TRIO: variants seen among roughly 807,000 people sequenced by gnomAD.
TRIO encodes trio Rho guanine nucleotide exchange factor.
TRIO carries 58 observed loss-of-function variants against 351.9 expected under a neutral mutation model. The observed-to-expected ratio is 0.16, with a 90% confidence interval of 0.13 to 0.21. The LOEUF (loss-of-function observed/expected upper bound fraction) is 0.21. TRIO is among the 10% of genes least tolerant of loss of function. The probability of loss-of-function intolerance (pLI) is 1.00; values close to 1 mark genes in which losing one functional copy is unlikely to be tolerated. For missense variants in TRIO, 3,201 were observed against 4,027.8 expected, an observed-to-expected ratio of 0.79 and a Z score of 5.56; for synonymous variants, 1,758 against 1,595.7, an observed-to-expected ratio of 1.10 and a Z score of -2.42.
intron 27 of TRIO, among the ~76,000 whole-genome samples, chr5:14,393,157 C>T (rs1457508034): frequency 6.6e-6 from 1 of 150,616 alleles, no homozygotes. Context: ...GAAAACCAAA[C>T]ACCACATGTT....
intron 1 of TRIO, among the ~76,000 whole-genome samples, chr5:14,220,934 T>C (rs1388176808): frequency 6.6e-6 from 1 of 152,232 alleles, no homozygotes; most frequent in African/African-American, 2.4e-5. Context: ...CAGCCTTCTA[T>C]TGGAAGAAGA....
At chr5:14,391,516 T>C (rs1220756515) in intron 27 of TRIO, among the ~76,000 whole-genome samples, 1 of 152,242 alleles carries the variant, frequency 6.6e-6, no homozygotes, top group Non-Finnish European at 1.5e-5. Flanking sequence ...TGTGTTCTCA[T>C]TGGAGTAAAC....
intron 7 of TRIO, among the ~76,000 whole-genome samples, chr5:14,303,208 G>A (rs1453542745): frequency 4.0e-3 from 409 of 101,122 alleles, no homozygotes; most frequent in Middle Eastern, 0.028. Context: ...CTGGAGATGG[G>A]GGGTGTCAGT....
intron 1 of TRIO, among the ~76,000 whole-genome samples, chr5:14,177,215 CG>C (rs1789460262): frequency 6.6e-6 from 1 of 152,102 alleles, no homozygotes; most frequent in African/African-American, 2.4e-5. Context: ...ATGTTATATA[CG>C]TGAGAAAACT....
intron 2 of TRIO, among the ~76,000 whole-genome samples, chr5:14,274,076 A>G (rs1158734052): frequency 6.6e-6 from 1 of 152,204 alleles, no homozygotes; most frequent in Non-Finnish European, 1.5e-5. Flanking sequence ...CCGCTGCAAT[A>G]CCAATGACAG....
intron 34 of TRIO, among the ~76,000 whole-genome samples, chr5:14,435,649 G>A (rs1195415424): frequency 6.6e-6 from 1 of 152,116 alleles, no homozygotes; most frequent in African/African-American, 2.4e-5. Context: ...TCTTCTATAA[G>A]AGCTGTCCCT....
At chr5:14,309,278 T>C (rs1269400772) in intron 8 of TRIO, among the ~76,000 whole-genome samples, 1 of 152,226 alleles carries the variant, frequency 6.6e-6, no homozygotes, top group African/African-American at 2.4e-5. Context: ...TCTATTTTCC[T>C]TAATGTATTA....
intron 14 of TRIO, 122 bp from the exon 15 acceptor site, chr5:14,364,528 A>G: frequency 1.6e-6 from 2 of 1,252,048 alleles, no homozygotes; most frequent in Non-Finnish European, 2.2e-6. Context: ...GCCCTTCAGC[A>G]TAATGGCTTG....
chr5:14,449,924 A>C (rs1473098267), intron 34 of TRIO, among the ~76,000 whole-genome samples: 1 of 152,232 alleles, frequency 6.6e-6, no homozygotes, highest in East Asian at 1.9e-4. Flanking sequence ...AATAAAAAGA[A>C]AGACCTTTAA....
At chr5:14,238,473 A>G (rs1045127626) in intron 1 of TRIO, among the ~76,000 whole-genome samples, 1 of 152,190 alleles carries the variant, frequency 6.6e-6, no homozygotes, top group African/African-American at 2.4e-5. Flanking sequence ...CCACCAGCCC[A>G]TGTGGGCCCT....
intron 40 of TRIO, among the ~76,000 whole-genome samples, chr5:14,475,728 C>G (rs948558779): frequency 3.1e-4 from 47 of 152,198 alleles, no homozygotes; most frequent in African/African-American, 1.1e-3. Context: ...GATTTAGTCT[C>G]CTACTTCCAA....
chr5:14,488,657 T>C, intron 48 of TRIO: 2 of 529,180 alleles, frequency 3.8e-6, no homozygotes, highest in Non-Finnish European at 6.8e-6. Context: ...AGCTTTTTGC[T>C]CATCGCTTGG....
chr5:14,363,671 C>T, intron 13 of TRIO, 61 bp from the exon 14 acceptor site: 1 of 1,502,140 alleles, frequency 6.7e-7, no homozygotes, highest in Non-Finnish European at 9.1e-7. Flanking sequence ...TTACTTGGTA[C>T]AGAGTGAGAG....
intron 1 of TRIO, among the ~76,000 whole-genome samples, chr5:14,202,060 A>ATAC (rs1791148874): frequency 6.6e-6 from 1 of 152,008 alleles, no homozygotes; most frequent in South Asian, 2.1e-4. Context: ...TGGCACATGT[A>ATAC]TACATATGTA....
chr5:14,443,540 G>C (rs1467997019), intron 34 of TRIO, among the ~76,000 whole-genome samples: 4 of 152,208 alleles, frequency 2.6e-5, no homozygotes, highest in African/African-American at 9.6e-5. Context: ...ACTTTACAGT[G>C]CCCATGAAAT....
At chr5:14,506,700 G>A (rs1406241882) in intron 55 of TRIO, among the ~76,000 whole-genome samples, 1 of 152,178 alleles carries the variant, frequency 6.6e-6, no homozygotes, top group African/African-American at 2.4e-5. Flanking sequence ...TGCCCAGCCT[G>A]TGGTTACATG....
intron 34 of TRIO, among the ~76,000 whole-genome samples, chr5:14,459,264 G>A (rs1753597079): frequency 1.3e-5 from 2 of 152,232 alleles, no homozygotes; most frequent in Admixed American, 1.3e-4. Context: ...GTAATCACAG[G>A]GTTCACCTGC....
intron 19 of TRIO, among the ~76,000 whole-genome samples, chr5:14,375,666 C>G (rs1012209783): frequency 1.3e-5 from 2 of 152,084 alleles, no homozygotes; most frequent in South Asian, 2.1e-4. Flanking sequence ...TCTCAGACCA[C>G]GTGGTCAGAG....
chr5:14,387,238 G>A (rs949741113), intron 21 of TRIO, 200 bp from the exon 22 acceptor site: 5 of 495,712 alleles, frequency 1.0e-5, no homozygotes, highest in African/African-American at 5.7e-5. Context: ...AATGCCATTC[G>A]TTGTAGCAGA....
Sources: gnomAD v4.1 joint callset for allele counts (sites outside exome capture counted in the v4.1 genomes callset) on GRCh38, gnomAD v4.1.1 for gene constraint, MANE v1.5 for transcripts, NCBI Gene and HGNC (gene_info 2026-07-23, HGNC 2026-07-21) for gene names.